The following DLGAP2 variants were observed in gnomAD, a reference collection of about 807,000 sequenced individuals.
DLGAP2 encodes the protein DLG associated protein 2.
DLGAP2 carries 26 observed loss-of-function variants against 100.3 expected under a neutral mutation model. That is an observed-to-expected ratio of 0.26 (90% CI 0.19 to 0.36). The LOEUF is 0.36. DLGAP2 is among the 10% of genes least tolerant of loss of function. DLGAP2 has a pLI of 1.00. For synonymous variants in DLGAP2, 886 were observed against 630.1 expected (o/e 1.41, Z -6.08); for missense variants, 1,858 against 1,453.2 (o/e 1.28, Z -4.53).
intron 2 of DLGAP2, among the ~76,000 whole-genome samples, chr8:1,157,876 C>G (rs148998703): frequency 5.5e-4 from 83 of 152,198 alleles, no homozygotes; most frequent in Non-Finnish European, 1.0e-3. Flanking sequence ...TCAGATGCTG[C>G]CGGTGTTCCG....
intron 2 of DLGAP2, among the ~76,000 whole-genome samples, chr8:1,008,705 A>G (rs1444216598): frequency 1.3e-5 from 2 of 152,208 alleles, no homozygotes; most frequent in Non-Finnish European, 2.9e-5. Context: ...GGTACTCACT[A>G]CATCGCCATG....
intron 2 of DLGAP2, among the ~76,000 whole-genome samples, chr8:1,058,299 G>A (rs756876653): frequency 3.9e-5 from 6 of 152,168 alleles, no homozygotes; most frequent in Admixed American, 1.3e-4. Context: ...TCACTCACTT[G>A]GCACTGAGAG....
At chr8:1,451,385 G>C (rs1178644210) in intron 3 of DLGAP2, among the ~76,000 whole-genome samples, 2 of 152,094 alleles carry the variant, frequency 1.3e-5, no homozygotes, top group Non-Finnish European at 1.5e-5. Context: ...GAGTCCTCCA[G>C]CCACCTCCTG....
At chr8:866,826 G>A (rs1313093634) in intron 1 of DLGAP2, among the ~76,000 whole-genome samples, 1 of 152,144 alleles carries the variant, frequency 6.6e-6, no homozygotes, top group Non-Finnish European at 1.5e-5. Flanking sequence ...CAGGTCCCCT[G>A]GGCCTTTCCC....
intron 3 of DLGAP2, among the ~76,000 whole-genome samples, chr8:1,433,396 C>G (rs898561099): frequency 6.6e-6 from 1 of 152,168 alleles, no homozygotes; most frequent in Non-Finnish European, 1.5e-5. Context: ...TGCCAGGCAC[C>G]CGCTGCGGTG....
Position 1,287,223 on chromosome 8 carries a change from GTGTA to G in DLGAP2, c.106+28344_106+28347del, listed in dbSNP as rs1192111134. ...TGGTTCAGTGTGTGTGTGTGTGTGT[GTGTA>G]TGTGGTTTTGTTAGGAGGGGAACTA... On this transcript the variant is annotated intron_variant, in intron 3 of 14. Transcript: ENST00000637795. Among the ~76,000 whole-genome samples, 555 of 89,424 alleles carry G rather than the reference GTGTA, an allele frequency of 6.2e-3. 11 individuals are homozygous for G. Among genetic ancestry groups the G allele is most frequent in the African/African-American group, 0.019 (399 of 20,910 alleles). The allele number at this position is 89,424 out of a possible 152,430, so 58.7% of individuals were successfully genotyped here. A position where few individuals can be genotyped will look rare whatever the true frequency, so the allele number is the denominator to read the frequency against.
At chr8:1,181,848 C>T (rs146360591) in intron 2 of DLGAP2, among the ~76,000 whole-genome samples, 41 of 152,294 alleles carry the variant, frequency 2.7e-4, no homozygotes, top group African/African-American at 9.4e-4. Flanking sequence ...ACCTTCCTCC[C>T]TGCACGGCAC....
intron 2 of DLGAP2, among the ~76,000 whole-genome samples, chr8:1,188,929 G>A (rs553803304): frequency 1.3e-5 from 2 of 152,246 alleles, no homozygotes; most frequent in South Asian, 2.1e-4. Context: ...CTTGTGGTGC[G>A]GCTTCCAGGC....
intron 1 of DLGAP2, among the ~76,000 whole-genome samples, chr8:789,450 C>A: frequency 6.6e-6 from 1 of 152,212 alleles, no homozygotes; most frequent in East Asian, 1.9e-4. Context: ...AAATCCACCC[C>A]TGTGATCCAG....
intron 3 of DLGAP2, among the ~76,000 whole-genome samples, chr8:1,275,092 G>A (rs1265068611): frequency 2.0e-5 from 3 of 152,124 alleles, no homozygotes; most frequent in Admixed American, 2.0e-4. Flanking sequence ...GGATCCCTGA[G>A]GACCTGCAAT....
chr8:759,492 T>C (rs1241319862), intron 1 of DLGAP2, among the ~76,000 whole-genome samples: 1 of 151,276 alleles, frequency 6.6e-6, no homozygotes, highest in East Asian at 2.0e-4. Context: ...GAGTCCACGG[T>C]TGACGTGGGG....
chr8:1,678,168 T>A, intron 11 of DLGAP2, 46 bp from the exon 12 acceptor site: 3 of 1,557,024 alleles, frequency 1.9e-6, no homozygotes, highest in Non-Finnish European at 2.6e-6. Flanking sequence ...TTGCATGAAG[T>A]CCTCTCAGAA....
At chr8:1,525,262 C>G (rs922998663) in intron 4 of DLGAP2, among the ~76,000 whole-genome samples, 2 of 144,188 alleles carry the variant, frequency 1.4e-5, no homozygotes, top group East Asian at 2.1e-4. Context: ...ACCTTAAAGT[C>G]ATGAGTTCAA....
At chr8:1,171,896 AT>A (rs1453316290) in intron 2 of DLGAP2, among the ~76,000 whole-genome samples, 1 of 151,966 alleles carries the variant, frequency 6.6e-6, no homozygotes, top group Non-Finnish European at 1.5e-5. Flanking sequence ...TAAAGTTAAT[AT>A]TGTTATGTGT....
intron 12 of DLGAP2, among the ~76,000 whole-genome samples, chr8:1,687,110 C>CA (rs1266040008): frequency 6.6e-6 from 1 of 152,150 alleles, no homozygotes; most frequent in Non-Finnish European, 1.5e-5. Flanking sequence ...GACCCCACTA[C>CA]AAAATTAGTT....
chr8:1,462,398 G>C (rs1448084684), intron 3 of DLGAP2, among the ~76,000 whole-genome samples: 1 of 99,110 alleles, frequency 1.0e-5, no homozygotes, highest in African/African-American at 3.6e-5. Flanking sequence ...GTGGCATTCG[G>C]GTTGGGAGAA....
intron 2 of DLGAP2, among the ~76,000 whole-genome samples, chr8:1,256,527 CTCA>C (rs1799223120): frequency 7.4e-6 from 1 of 135,312 alleles, no homozygotes; most frequent in African/African-American, 3.4e-5. Context: ...GTGTGCCCGT[CTCA>C]TCCTGCCCAG....
At chr8:1,001,287 G>T in intron 2 of DLGAP2, among the ~76,000 whole-genome samples, 1 of 152,180 alleles carries the variant, frequency 6.6e-6, no homozygotes, top group East Asian at 1.9e-4. Flanking sequence ...AGAAGCCTGA[G>T]AACTTGACAT....
At chr8:1,665,321 G>A (rs962352064) in intron 8 of DLGAP2, among the ~76,000 whole-genome samples, 1 of 152,190 alleles carries the variant, frequency 6.6e-6, no homozygotes, top group Non-Finnish European at 1.5e-5. Flanking sequence ...GAGCCAAGGT[G>A]GGGATGAATT....
Sources: allele counts gnomAD v4.1 joint callset (sites outside exome capture counted in the v4.1 genomes callset), GRCh38; gene constraint gnomAD v4.1.1; transcripts MANE v1.5; gene names NCBI Gene and HGNC (gene_info 2026-07-23, HGNC 2026-07-21).